Variants in UPF1 observed in about 807,000 individuals in gnomAD.
UPF1 encodes the protein UPF1 RNA helicase and ATPase, also known as regulator of nonsense transcripts 1.
A neutral mutation model predicts 129.2 loss-of-function variants in UPF1; 9 were observed. The ratio of observed to expected loss-of-function variants is 0.07; its 90% confidence interval spans 0.04 to 0.12. The LOEUF is 0.12. UPF1 is among the 10% of genes least tolerant of loss of function. The pLI is 1.00. For synonymous variants in UPF1, 649 were observed against 644.9 expected (o/e 1.01, Z -0.10); for missense variants, 788 against 1,525.3 (o/e 0.52, Z 8.05).
intron 18 of UPF1, among the ~76,000 whole-genome samples, 192 bp downstream of exon 18, chr19:18,862,344 C>T (rs1173031699): frequency 6.6e-6 from 1 of 152,086 alleles, no homozygotes; most frequent in African/African-American, 2.4e-5. Context: ...TGTGCCTCAG[C>T]CCAGCAGGAC....
At chr19:18,860,675 C>A in intron 16 of UPF1, 151 bp from the exon 17 acceptor site, 1 of 1,195,798 alleles carries the variant, frequency 8.4e-7, no homozygotes, top group Non-Finnish European at 1.2e-6. Flanking sequence ...CGAGACTCCC[C>A]TGGTGAAGGC....
chr19:18,858,207 A>G (rs1350569031), intron 15 of UPF1, among the ~76,000 whole-genome samples: 1 of 152,258 alleles, frequency 6.6e-6, no homozygotes, highest in African/African-American at 2.4e-5. Context: ...GGTGTTGGGC[A>G]GACTTTTTCC....
At chr19:18,843,056 C>T (rs547746503) in intron 1 of UPF1, among the ~76,000 whole-genome samples, 1 of 152,254 alleles carries the variant, frequency 6.6e-6, no homozygotes, top group South Asian at 2.1e-4. Flanking sequence ...AAACCCTGGG[C>T]TCAAGATCCT....
intron 1 of UPF1, among the ~76,000 whole-genome samples, chr19:18,835,793 T>C (rs2055477671): frequency 6.6e-6 from 1 of 152,134 alleles, no homozygotes; most frequent in South Asian, 2.1e-4. Context: ...TGGCCATGAG[T>C]GTACAGGTTT....
intron 2 of UPF1, 60 bp downstream of exon 2, chr19:18,846,179 G>A: frequency 1.3e-6 from 2 of 1,599,556 alleles, no homozygotes; most frequent in African/African-American, 1.3e-5. Context: ...TCTGGCATGG[G>A]CCTGGGACAC....
At chr19:18,838,419 C>T (rs950583556) in intron 1 of UPF1, among the ~76,000 whole-genome samples, 12 of 152,212 alleles carry the variant, frequency 7.9e-5, no homozygotes, top group African/African-American at 2.9e-4. Context: ...GAGGCAGAGG[C>T]AGGTGAATCA....
chr19:18,849,113 C>A (rs948601265), intron 3 of UPF1: 1 of 152,450 alleles, frequency 6.6e-6, no homozygotes, highest in East Asian at 1.9e-4. Flanking sequence ...ACAGCTGATT[C>A]TGCCCACGTG....
At chr19:18,846,773 G>A (rs1257918642) in intron 2 of UPF1, among the ~76,000 whole-genome samples, 1 of 152,100 alleles carries the variant, frequency 6.6e-6, no homozygotes, top group Non-Finnish European at 1.5e-5. Flanking sequence ...GGCAGATCAC[G>A]AGGTCAGGAG....
At chr19:18,838,988 G>T (rs2055512447) in intron 1 of UPF1, among the ~76,000 whole-genome samples, 1 of 152,066 alleles carries the variant, frequency 6.6e-6, no homozygotes, top group Non-Finnish European at 1.5e-5. Context: ...ACTAAAAAAA[G>T]AGTTCCCTCT....
intron 1 of UPF1, among the ~76,000 whole-genome samples, chr19:18,843,438 T>C (rs1321788071): frequency 3.3e-5 from 5 of 152,022 alleles, no homozygotes; most frequent in Non-Finnish European, 7.4e-5. Context: ...GCCTGAGAGT[T>C]TATGATGGCA....
rs1199764257 is a variant in UPF1 at position 18,850,654 on chromosome 19, G to A, written c.630-34G>A. 2 of 1,527,722 alleles carry A rather than the reference G, an allele frequency of 1.3e-6. No individual in the cohort carries two copies. Among genetic ancestry groups the A allele is most frequent in the South Asian group, 1.3e-5 (1 of 79,646 alleles). The allele number at this position is 1,527,722 out of a possible 1,614,324, so 94.6% of individuals were successfully genotyped here. ...CCCTGCTCCGGGGCTTCAGGGACGG[G>A]AGCTGGTCCTCACGGCCCCCTCCCG... On this transcript the variant is annotated intron_variant, in intron 4 of 23. Transcript: ENST00000262803. The surrounding 1 kb of genome is among the most constrained non-coding windows in gnomAD (Gnocchi z 7.1).
At position 18,860,993 on chromosome 19, in the gene UPF1, C is replaced by T. The variant is rs550911031; in HGVS notation, c.2457+11C>T. The stretch of plus-strand genomic sequence containing the variant: ...ACCAAGCTCTACCAGGTGCGCTGCG[C>T]CCTCGGGCACACTTGGTCTCCTGGG... On this transcript the variant is annotated intron_variant, in intron 17 of 23. Transcript: ENST00000262803. The T allele has an allele frequency of 1.3e-6, 2 of 1,563,444 alleles. No homozygotes were observed. The highest frequency in any genetic ancestry group is 2.3e-5 in the South Asian group (2 of 86,090).
At chr19:18,848,025 A>G in intron 3 of UPF1, 192 bp downstream of exon 3, 1 of 539,330 alleles carries the variant, frequency 1.9e-6, no homozygotes. Flanking sequence ...CCCTTGATTT[A>G]TTCTCTGTGG....
intron 2 of UPF1, among the ~76,000 whole-genome samples, chr19:18,846,827 A>G (rs2055605674): frequency 6.6e-6 from 1 of 152,172 alleles, no homozygotes; most frequent in African/African-American, 2.4e-5. Flanking sequence ...TGTCTCCACT[A>G]AAAATACAAA....
chr19:18,835,562 G>C (rs2055475074), intron 1 of UPF1, among the ~76,000 whole-genome samples: 1 of 152,136 alleles, frequency 6.6e-6, no homozygotes. Flanking sequence ...AGATGGTCTT[G>C]ATTTCCTGAC....
In UPF1 at chr19:18,841,319, C is replaced by A. The variant is rs567965187; in HGVS notation, c.232-4661C>A. Among the ~76,000 whole-genome samples the A allele has an allele frequency of 4.6e-5, 7 of 152,172 alleles. No individual in the cohort carries two copies. The East Asian group carries it at 1.2e-3, about 25-fold the overall frequency. On this transcript the variant is annotated intron_variant, in intron 1 of 23. Coordinates refer to ENST00000262803, the MANE Select transcript of UPF1 (RefSeq NM_002911.4). ...TTTCACCTTTGTGTCTGAGGTGGAG[C>A]CCTGTGAATTGGCGATACTCAGCCA...
At chr19:18,858,035 G>A (rs145660746) in intron 15 of UPF1, among the ~76,000 whole-genome samples, 14 of 152,304 alleles carry the variant, frequency 9.2e-5, no homozygotes, top group African/African-American at 3.1e-4. Context: ...GCCAGACTGT[G>A]CCCGGATCAC....
chr19:18,860,253 C>T, intron 15 of UPF1, 68 bp from the exon 16 acceptor site: 1 of 1,513,020 alleles, frequency 6.6e-7, no homozygotes, highest in Admixed American at 1.7e-5. Context: ...ACTACATTGC[C>T]CTGTGTCTGA....
chr19:18,866,298 C>T (rs1316440335), intron 23 of UPF1, 132 bp downstream of exon 23: 2 of 1,343,186 alleles, frequency 1.5e-6, no homozygotes, highest in African/African-American at 1.5e-5. Flanking sequence ...GGGTCATAGG[C>T]CCTCAGGGCC....
Sources: allele counts gnomAD v4.1 joint callset (sites outside exome capture counted in the v4.1 genomes callset), GRCh38; gene constraint gnomAD v4.1.1; non-coding constraint Gnocchi (gnomAD v3.1); transcripts MANE v1.5; gene names NCBI Gene and HGNC (gene_info 2026-07-23, HGNC 2026-07-21).